The following CBR4 variants were observed in gnomAD, a reference collection of about 807,000 sequenced individuals.
CBR4 encodes the protein carbonyl reductase 4.
Under a neutral mutation model 21.0 loss-of-function variants are expected in CBR4, and 22 were observed. The ratio of observed to expected loss-of-function variants is 1.05; its 90% CI spans 0.75 to 1.50. The LOEUF is 1.50. CBR4 is among the 40% of genes most tolerant of loss of function. CBR4 has a pLI of 0.00. For missense variants in CBR4, 302 were observed against 286.3 expected (o/e 1.05, Z -0.40); for synonymous variants, 100 against 104.4 (o/e 0.96, Z 0.26).
At chr4:168,914,010 T>C in intron 2 of CBR4, 1 of 1,598,224 alleles carries the variant, frequency 6.3e-7, no homozygotes, top group Non-Finnish European at 8.6e-7. Context: ...CAGGCCATCC[T>C]CATGTCAGAA....
downstream of CBR4, chr4:168,987,456 T>G: frequency 1.8e-5 from 3 of 166,864 alleles, no homozygotes; most frequent in Non-Finnish European, 3.7e-5. Flanking sequence ...CAGTATCTGT[T>G]GAGTTACTTA....
Position 169,010,190 on chromosome 4 carries a change from GAAAA to G in CBR4, c.-105_-102del. On this transcript the variant is annotated 5_prime_UTR_variant, in exon 1 of 5. Transcript: ENST00000306193. Reference sequence around the variant, plus strand: ...ACCGCGGTTCCAAAAAAAAAAAAAAGAAAAAAAAAGGCAAACCGCAAAAAAAAAT... The same window carrying G: ...ACCGCGGTTCCAAAAAAAAAAAAAAGAAAAAGGCAAACCGCAAAAAAAAAT... 3.2e-6 allele frequency: 2 copies of G among 623,642 alleles called. No individual in the cohort carries two copies. The highest frequency in any genetic ancestry group is 4.6e-6 in the Non-Finnish European group (2 of 431,380). The allele number at this position is 623,642 out of a possible 1,614,324, so 38.6% of individuals were successfully genotyped here. A position where few individuals can be genotyped will look rare whatever the true frequency, so the allele number is the denominator to read the frequency against.
At chr4:168,926,954 T>TAATA (rs1350219548) in intron 2 of CBR4, 8 of 219,822 alleles carry the variant, frequency 3.6e-5, no homozygotes, top group African/African-American at 1.6e-4. Flanking sequence ...CCTTAAATGT[T>TAATA]AATATCAAAA....
chr4:168,950,298 GGTTGT>G (rs1340656171), intron 2 of CBR4, among the ~76,000 whole-genome samples: 2 of 152,132 alleles, frequency 1.3e-5, no homozygotes, highest in African/African-American at 4.8e-5. Flanking sequence ...GGTTTTGATA[GGTTGT>G]GTTATTACTG....
chr4:168,957,168 G>A (rs952982012), intron 2 of CBR4, among the ~76,000 whole-genome samples: 5 of 151,950 alleles, frequency 3.3e-5, no homozygotes, highest in African/African-American at 1.2e-4. Context: ...ACACTACATC[G>A]CCACCATTCA....
rs572926046 is a variant in CBR4 at position 168,969,443 on chromosome 4, C to T, written n.169+32628G>A. 1.4e-4 allele frequency among the ~76,000 whole-genome samples: 21 copies of T among 152,226 alleles called. No homozygotes were observed. In the East Asian group the frequency reaches 3.5e-3, roughly 25 times the overall value. The stretch of plus-strand genomic sequence containing the variant: ...TTGCAAATATAACTAAGGTTATACA[C>T]TTCAAAATATAGATTATCCTGGATA... On this transcript the variant is annotated intron_variant and non_coding_transcript_variant, in intron 2 of 3. Coordinates refer to the CBR4 transcript ENST00000509108.
At chr4:168,994,745 A>ATTTGCTAAT (rs1306312952) in intron 4 of CBR4, among the ~76,000 whole-genome samples, 5 of 48,786 alleles carry the variant, frequency 1.0e-4, no homozygotes, top group Admixed American at 3.2e-4. Flanking sequence ...CGCCTGGCTA[A>ATTTGCTAAT]TTTTTTTTTT....
intron 4 of CBR4, among the ~76,000 whole-genome samples, chr4:168,997,705 T>C (rs577760553): frequency 6.6e-6 from 1 of 152,338 alleles, no homozygotes; most frequent in South Asian, 2.1e-4. Flanking sequence ...GTCATTATTT[T>C]AGTTTTCAAC....
chr4:168,948,042 GTTTTTT>G (rs1763441534), intron 2 of CBR4, among the ~76,000 whole-genome samples: 1 of 152,026 alleles, frequency 6.6e-6, no homozygotes, highest in South Asian at 2.1e-4. Context: ...AACACCTACT[GTTTTTT>G]GATTTTTTCA....
chr4:168,996,381 A>T (rs897946460), intron 4 of CBR4, among the ~76,000 whole-genome samples: 10 of 152,172 alleles, frequency 6.6e-5, no homozygotes, highest in Admixed American at 5.2e-4. Context: ...CACAACGTTC[A>T]GATAGATCCC....
intron 4 of CBR4, 77 bp from the exon 5 acceptor site, chr4:168,990,405 T>C: frequency 7.8e-7 from 1 of 1,286,460 alleles, no homozygotes; most frequent in South Asian, 2.2e-5. Context: ...AATAATAAAT[T>C]TGTTTCTGAA....
At position 168,990,204 on chromosome 4, in the gene CBR4, C is replaced by T. The variant is rs149262457; in HGVS notation, c.660G>A (p.Pro220=). ...AHAVVFLLES[P]YITGHVLVVD... is the part of the protein sequence containing the mutation. ...CTACCAGAACATGCCCTGTAATATA[C>T]GGTGATTCTAAAAGAAACACAACCG... The change falls in exon 5 of 5, where the codon CCG becomes CCA. Residue 220 remains proline, a synonymous_variant. Coordinates refer to ENST00000306193, the MANE Select transcript of CBR4 (RefSeq NM_032783.5). 97 of 1,612,776 alleles carry T rather than the reference C, an allele frequency of 6.0e-5. No homozygotes were observed. In the African/African-American group the frequency reaches 7.6e-4, roughly 13 times the overall value.
At chr4:168,956,743 G>C (rs1428363284) in intron 2 of CBR4, among the ~76,000 whole-genome samples, 1 of 151,788 alleles carries the variant, frequency 6.6e-6, no homozygotes, top group Non-Finnish European at 1.5e-5. Context: ...CTCTTTTCCA[G>C]GTGAGGAAAC....
chr4:169,000,360 A>T (rs909687417), intron 4 of CBR4, among the ~76,000 whole-genome samples: 10 of 152,014 alleles, frequency 6.6e-5, no homozygotes, highest in Non-Finnish European at 1.3e-4. Flanking sequence ...GAATGTCTGA[A>T]TGTAGCTAGT....
chr4:168,998,720 AG>A (rs1765324506), intron 4 of CBR4, among the ~76,000 whole-genome samples: 1 of 152,184 alleles, frequency 6.6e-6, no homozygotes, highest in African/African-American at 2.4e-5. Context: ...TATTTAAAAA[AG>A]TGAAGCAGCT....
intron 4 of CBR4, 60 bp from the exon 5 acceptor site, chr4:168,990,388 CA>C (rs199605806): frequency 2.3e-4 from 301 of 1,297,808 alleles, no homozygotes; most frequent in South Asian, 5.2e-4. Context: ...TGCTGAATTT[CA>C]AAAAAAATAA....
At position 168,915,865 on chromosome 4, in the gene CBR4, C is replaced by T. The variant is rs1236107077; in HGVS notation, n.170-21100G>A. 1.9e-6 allele frequency: 3 copies of T among 1,587,162 alleles called. No homozygotes were observed. The East Asian group carries it at 6.7e-5, about 36-fold the overall frequency. ...CTGGAAGTAACTACTATCTATATTT[C>T]TATCTATCTGTCATCTTTCTTGTTT... On this transcript the variant is annotated intron_variant and non_coding_transcript_variant, in intron 2 of 3. Transcript: ENST00000509108.
intron 2 of CBR4, among the ~76,000 whole-genome samples, chr4:168,925,574 C>T (rs777057427): frequency 2.2e-4 from 33 of 152,038 alleles, no homozygotes; most frequent in Non-Finnish European, 4.4e-4. Context: ...AAGCAGCCAG[C>T]AGTAGACTTG....
chr4:168,969,614 C>G (rs930733909), intron 2 of CBR4, among the ~76,000 whole-genome samples: 4 of 152,144 alleles, frequency 2.6e-5, no homozygotes, highest in African/African-American at 9.7e-5. Flanking sequence ...TGGACTGAGC[C>G]TCCATGTTGC....
Sources: gnomAD v4.1 joint callset for allele counts (sites outside exome capture counted in the v4.1 genomes callset) on GRCh38, gnomAD v4.1.1 for gene constraint, MANE v1.5 for transcripts, NCBI Gene and HGNC (gene_info 2026-07-23, HGNC 2026-07-21) for gene names.